LRRC27: variants seen among roughly 807,000 people sequenced by gnomAD.
LRRC27 encodes leucine-rich repeat-containing protein 27.
In LRRC27, 57 loss-of-function variants were observed where a neutral mutation model predicts 55.0. The observed-to-expected ratio is 1.04, with a 90% CI of 0.84 to 1.29. The LOEUF is 1.29. Among genes scored for constraint, LRRC27 ranks in the 50% most tolerant of loss-of-function variants. The pLI, the probability that LRRC27 is intolerant of heterozygous loss-of-function variation, is 0.00. For synonymous variants in LRRC27, 278 were observed against 251.9 expected (o/e 1.10, Z -0.98); for missense variants, 721 against 651.5 (o/e 1.11, Z -1.16).
chr10:132,336,770 G>A (rs374902106), intron 2 of LRRC27: 45 of 772,362 alleles, frequency 5.8e-5, no homozygotes, highest in Admixed American at 1.6e-4. Flanking sequence ...TCATTGTTCC[G>A]AACATCTGTT....
chr10:132,361,244 C>G (rs1021159963), intron 8 of LRRC27, among the ~76,000 whole-genome samples: 2 of 152,218 alleles, frequency 1.3e-5, no homozygotes, highest in Non-Finnish European at 2.9e-5. Flanking sequence ...GTCAGGGAGG[C>G]CCCAGAAAGA....
intron 8 of LRRC27, among the ~76,000 whole-genome samples, chr10:132,359,688 C>T (rs914238084): frequency 6.6e-6 from 1 of 152,246 alleles, no homozygotes; most frequent in Non-Finnish European, 1.5e-5. Flanking sequence ...GAGGCTGCGG[C>T]TGCTGAAAGG....
chr10:132,347,080 C>T (rs116758528), intron 5 of LRRC27, among the ~76,000 whole-genome samples: 2,357 of 152,276 alleles, frequency 0.015, 65 homozygotes, highest in African/African-American at 0.053. Context: ...TCTCTGAGGT[C>T]GTGTTTTGAG....
At chr10:132,335,737 T>C (rs2067096460) in intron 2 of LRRC27, among the ~76,000 whole-genome samples, 3 of 152,210 alleles carry the variant, frequency 2.0e-5, no homozygotes, top group Admixed American at 2.0e-4. Context: ...GGTATTTTCT[T>C]TAGGGTTGTC....
chr10:132,370,629 A>G (rs1042764667), intron 10 of LRRC27, among the ~76,000 whole-genome samples: 2 of 152,108 alleles, frequency 1.3e-5, no homozygotes, highest in Non-Finnish European at 2.9e-5. Context: ...GCCAGGGGAG[A>G]GGGGTCCCTG....
At position 132,351,719 on chromosome 10, in the gene LRRC27, C is replaced by T. The variant is rs2068021661; in HGVS notation, c.1039C>T (p.Gln347Ter). ...ESRAAALRELQEKQALMEQQR... is the reference protein window; with the variant it reads ...ESRAAALREL ...CCGAGCGGCGGCGCTCCGAGAGCTC[C>T]AGGAGAAGCAGGCTCTGATGGAGCA... Residue 347 changes from glutamine (Q) to a stop codon, truncating the protein, a stop_gained, in exon 7 of 11, where the codon CAG (glutamine) becomes TAG (stop). Transcript: ENST00000368614. LOFTEE classifies it high-confidence loss of function. 4.3e-6 allele frequency: 7 copies of T among 1,613,362 alleles called. No homozygotes were observed. The highest frequency in any genetic ancestry group is 5.9e-6 in the Non-Finnish European group (7 of 1,179,902).
intron 5 of LRRC27, 67 bp from the exon 6 acceptor site, chr10:132,347,917 C>T: frequency 1.3e-6 from 2 of 1,515,330 alleles, no homozygotes; most frequent in Non-Finnish European, 1.8e-6. Flanking sequence ...CCGTCACTGG[C>T]TTTTTGAATA....
chr10:132,347,653 G>A (rs1381343548), intron 5 of LRRC27, among the ~76,000 whole-genome samples: 2 of 150,016 alleles, frequency 1.3e-5, no homozygotes, highest in Non-Finnish European at 3.0e-5. Flanking sequence ...GGGCCTGGTG[G>A]GGCCTGCAGG....
chr10:132,375,040 A>G (rs201109163), intron 10 of LRRC27, 26 bp from the exon 11 acceptor site: 1,171 of 1,592,994 alleles, frequency 7.4e-4, no homozygotes, highest in Non-Finnish European at 9.2e-4. Context: ...CCTTTCTAAC[A>G]TCTCCCCCTC....
At chr10:132,336,925 C>T (rs2067161984) in intron 2 of LRRC27, 2 of 633,798 alleles carry the variant, frequency 3.2e-6, no homozygotes, top group African/African-American at 3.8e-5. Flanking sequence ...ATGTTATATG[C>T]ATTTTACACA....
chr10:132,333,715 T>G lies in LRRC27; in HGVS notation c.191T>G (p.Phe64Cys). 6.2e-7 allele frequency: 1 copy of G among 1,613,380 alleles called. No individual in the cohort carries two copies. Among genetic ancestry groups the G allele is most frequent in the South Asian group, 1.1e-5 (1 of 91,068 alleles). The change falls in exon 2 of 11, where the codon TTT becomes TGT. Residue 64 changes from phenylalanine (F) to cysteine (C), a missense_variant. Transcript: ENST00000368614. ...ESGLCRLEEV[F>C]RIPSLQQLHL... ...GGTCTGTGCCGTTTGGAGGAGGTCT[T>G]TAGAATCCCCAGCCTTCAAGTAAGT...
chr10:132,332,676 A>G (rs2066852289), intron 1 of LRRC27: 1 of 151,740 alleles, frequency 6.6e-6, no homozygotes, highest in African/African-American at 2.4e-5. Flanking sequence ...GCGGGCTTCC[A>G]TGGAATGCAG....
rs2069238024 is a variant in LRRC27 at position 132,372,298 on chromosome 10, G to A, written c.1417-2768G>A. Among the ~76,000 whole-genome samples, 1 of 151,602 alleles carries A rather than the reference G, an allele frequency of 6.6e-6. No individual in the cohort carries two copies. Among genetic ancestry groups the A allele is most frequent in the African/African-American group, 2.4e-5 (1 of 41,116 alleles). Reference sequence around the variant, plus strand: ...TGGGAAGTGGGGGTCGGGGTGCGGTGACTCACGCCTGCAATCCCAGCACTT... The same window carrying A: ...TGGGAAGTGGGGGTCGGGGTGCGGTAACTCACGCCTGCAATCCCAGCACTT... On this transcript the variant is annotated intron_variant, in intron 10 of 10. Coordinates refer to ENST00000368614, the MANE Select transcript of LRRC27 (RefSeq NM_030626.3). This position sits in a 1 kb window ranked among gnomAD's most constrained non-coding sequence, Gnocchi z 4.0.
intron 8 of LRRC27, among the ~76,000 whole-genome samples, chr10:132,357,862 C>T (rs375807061): frequency 6.6e-6 from 1 of 152,212 alleles, no homozygotes; most frequent in Non-Finnish European, 1.5e-5. Context: ...CGGGAGCGCG[C>T]ACCTAGTGCA....
rs1233638575 is a variant in LRRC27, at chr10:132,364,394, CTT to C, written c.1290-1029_1290-1028del. On this transcript the variant is annotated intron_variant, in intron 9 of 10. Coordinates refer to ENST00000368614, the MANE Select transcript of LRRC27 (RefSeq NM_030626.3). Reference sequence around the variant, plus strand: ...ACACCCACCCACACTTACACCCACCCTTACATCTACCTCCACACCCGCGCTTA... The same window carrying C: ...ACACCCACCCACACTTACACCCACCCACATCTACCTCCACACCCGCGCTTA... Among the ~76,000 whole-genome samples the C allele has an allele frequency of 2.3e-4, 34 of 150,222 alleles. 2 individuals are homozygous for C. Among genetic ancestry groups the C allele is most frequent in the African/African-American group, 5.9e-4 (24 of 40,418 alleles).
rs2067822871 is a variant in LRRC27 at position 132,348,287 on chromosome 10, AATT to A, written c.859_861del (p.Leu287del). 6.2e-7 allele frequency: 1 copy of A among 1,614,028 alleles called. No individual in the cohort carries two copies. The highest frequency in any genetic ancestry group is 1.3e-5 in the African/African-American group (1 of 75,048). ...CTGGGAGATCAGCTCTTGACGAGGG[AATT>A]ACCTCCAAATCTCAAGGCGGCCTTG... On this transcript the variant is annotated inframe_deletion, in exon 6 of 11. Transcript: ENST00000368614. This position sits in a 1 kb window ranked among gnomAD's most constrained non-coding sequence, Gnocchi z 4.2.
At chr10:132,368,394 AAGTC>A (rs1353425268) in intron 10 of LRRC27, among the ~76,000 whole-genome samples, 2 of 152,230 alleles carry the variant, frequency 1.3e-5, no homozygotes, top group African/African-American at 4.8e-5. Flanking sequence ...TGGAAAAACA[AAGTC>A]AGAGGACTGA....
upstream of LRRC27, chr10:132,331,822 T>C (rs779244035): frequency 1.9e-6 from 3 of 1,550,910 alleles, no homozygotes; most frequent in Admixed American, 1.9e-5. Context: ...CACCACCCCT[T>C]CAAGGCCGCG....
rs2067781188 is a variant in LRRC27 at position 132,347,669 on chromosome 10, G to T, written c.554-315G>T. On this transcript the variant is annotated intron_variant, in intron 5 of 10. Transcript: ENST00000368614. ...GGCCTGGTGGGGCCTGCAGGGGAGG[G>T]TCAGGTGCGCCCGGTGGTGCCTGCG... Among the ~76,000 whole-genome samples the T allele has an allele frequency of 4.7e-5, 7 of 148,866 alleles. No homozygotes were observed. The South Asian group carries it at 1.5e-3, about 32-fold the overall frequency.
Sources: gnomAD v4.1 joint callset for allele counts (sites outside exome capture counted in the v4.1 genomes callset) on GRCh38, gnomAD v4.1.1 for gene constraint, Gnocchi (gnomAD v3.1) non-coding constraint, MANE v1.5 for transcripts, NCBI Gene and HGNC (gene_info 2026-07-23, HGNC 2026-07-21) for gene names.